Variants in CCDC13 observed in about 807,000 individuals in gnomAD.
The protein encoded by CCDC13 is coiled-coil domain-containing protein 13.
Under a neutral mutation model 87.3 loss-of-function variants are expected in CCDC13, and 70 were observed. That is an observed-to-expected ratio of 0.80 (90% CI 0.66 to 0.98). The LOEUF (loss-of-function observed/expected upper bound fraction) is 0.98, where lower values mean the gene tolerates loss of function less well. CCDC13 is among the 50% of genes least tolerant of loss of function. The pLI is 0.00. For synonymous variants in CCDC13, 317 were observed against 360.3 expected, an observed-to-expected ratio of 0.88 and a Z score of 1.36; for missense variants, 842 against 892.0, an observed-to-expected ratio of 0.94 and a Z score of 0.71.
chr3:42,713,053 T>G (rs889651024), intron 14 of CCDC13, 109 bp downstream of exon 14: 1 of 1,287,218 alleles, frequency 7.8e-7, no homozygotes, highest in Non-Finnish European at 1.1e-6. Context: ...ATGGAAGCTC[T>G]GCTTCCCACA....
At chr3:42,736,390 A>G (rs75552605) in intron 9 of CCDC13, among the ~76,000 whole-genome samples, 2,801 of 152,222 alleles carry the variant, frequency 0.018, 73 homozygotes, top group African/African-American at 0.064. Context: ...AGAAAGGACA[A>G]TGTCAGTGAT....
chr3:42,772,737 C>T (rs1700161283), intron 1 of CCDC13, among the ~76,000 whole-genome samples: 1 of 152,046 alleles, frequency 6.6e-6, no homozygotes, highest in African/African-American at 2.4e-5. Context: ...TCTTGCGAGT[C>T]CCCAGTCCTG....
intron 10 of CCDC13, 125 bp downstream of exon 10, chr3:42,735,582 G>T: frequency 1.0e-6 from 1 of 958,780 alleles, no homozygotes; most frequent in Non-Finnish European, 1.6e-6. Flanking sequence ...AGAAGCAGGT[G>T]GCCAAAGTGG....
chr3:42,752,777 C>G (rs1699618999), intron 3 of CCDC13, 60 bp from the exon 4 acceptor site: 3 of 1,587,742 alleles, frequency 1.9e-6, no homozygotes, highest in Non-Finnish European at 1.7e-6. Context: ...CAAACTCATG[C>G]TCCACCACTA....
chr3:42,736,367 G>A (rs552168069), intron 9 of CCDC13, among the ~76,000 whole-genome samples: 1 of 152,282 alleles, frequency 6.6e-6, no homozygotes, highest in East Asian at 1.9e-4. Flanking sequence ...AAGGCTTCCT[G>A]CCTAGGGCCA....
intron 1 of CCDC13, among the ~76,000 whole-genome samples, chr3:42,761,259 T>A (rs1699826707): frequency 6.6e-6 from 1 of 152,194 alleles, no homozygotes; most frequent in South Asian, 2.1e-4. Context: ...ACCAGGCTCA[T>A]AACCACCTTG....
At chr3:42,760,356 C>T (rs1040397100) in intron 1 of CCDC13, among the ~76,000 whole-genome samples, 2 of 151,798 alleles carry the variant, frequency 1.3e-5, no homozygotes, top group Middle Eastern at 3.4e-3. Context: ...GTGGCTCATG[C>T]CTGTAATCCC....
At chr3:42,746,449 T>C (rs1036263326) in intron 6 of CCDC13, 6 of 172,838 alleles carry the variant, frequency 3.5e-5, no homozygotes, top group African/African-American at 1.4e-4. Flanking sequence ...CAAGTGGACC[T>C]CTGAGTGCAG....
At chr3:42,772,610 G>A (rs926467580) in intron 1 of CCDC13, among the ~76,000 whole-genome samples, 16 of 152,142 alleles carry the variant, frequency 1.1e-4, no homozygotes, top group African/African-American at 3.9e-4. Context: ...GCCGCCCACG[G>A]ATGCCTAGTT....
chr3:42,730,446 T>C, intron 13 of CCDC13, 21 bp downstream of exon 13: 1 of 1,609,844 alleles, frequency 6.2e-7, no homozygotes, highest in Non-Finnish European at 8.5e-7. Context: ...ATGGGAGAGA[T>C]CCCTGGGTGC....
intron 13 of CCDC13, among the ~76,000 whole-genome samples, chr3:42,720,231 G>A (rs181725774): frequency 3.2e-4 from 48 of 152,218 alleles, no homozygotes; most frequent in South Asian, 1.2e-3. Context: ...GTAAATTCTC[G>A]TCCTAAAGTA....
At chr3:42,739,876 G>T in intron 8 of CCDC13, 66 bp from the exon 9 acceptor site, 1 of 1,489,648 alleles carries the variant, frequency 6.7e-7, no homozygotes, top group Non-Finnish European at 9.2e-7. Flanking sequence ...TCTGCTCCCT[G>T]GCTCCTACTC....
intron 1 of CCDC13, among the ~76,000 whole-genome samples, chr3:42,758,886 T>C (rs1253603143): frequency 6.6e-6 from 1 of 152,194 alleles, no homozygotes; most frequent in African/African-American, 2.4e-5. Flanking sequence ...ACAGGGCACT[T>C]ACGGTCCCTG....
Position 42,747,382 on chromosome 3 carries a change from G to A in CCDC13, c.604-9C>T, listed in dbSNP as rs1193110172. 1 of 1,591,664 alleles carries A rather than the reference G, an allele frequency of 6.3e-7. No individual in the cohort carries two copies. The highest frequency in any genetic ancestry group is 8.6e-7 in the Non-Finnish European group (1 of 1,160,200). On this transcript the variant is annotated splice_polypyrimidine_tract_variant and intron_variant, in intron 5 of 15. Coordinates refer to ENST00000310232, the MANE Select transcript of CCDC13 (RefSeq NM_144719.4). ...ACCTCTGGGGTCTCCAGCTGGTTGGGAAGGACAGGAGAGAAAGTAGTCATT... is the reference window on the plus strand; with the variant it reads ...ACCTCTGGGGTCTCCAGCTGGTTGGAAAGGACAGGAGAGAAAGTAGTCATT...
chr3:42,747,144 G>T, intron 6 of CCDC13, 113 bp downstream of exon 6: 1 of 825,604 alleles, frequency 1.2e-6, no homozygotes, highest in Non-Finnish European at 2.1e-6. Flanking sequence ...CAAGCAGTGT[G>T]CTCAAGGGAC....
chr3:42,723,908 A>G (rs997528605), intron 13 of CCDC13, among the ~76,000 whole-genome samples: 2 of 152,214 alleles, frequency 1.3e-5, no homozygotes, highest in African/African-American at 4.8e-5. Flanking sequence ...ACTAAGTAAA[A>G]TAAGTAGCAG....
rs367666585 is a variant in CCDC13 at position 42,709,144 on chromosome 3, A to G, written c.1989-5T>C. On this transcript the variant is annotated splice_polypyrimidine_tract_variant and splice_region_variant and intron_variant, in intron 15 of 15. Transcript: ENST00000310232. The stretch of plus-strand genomic sequence containing the variant: ...TCCTCCACCTGGATGGCCAGCCTGG[A>G]CCACAGGAGACAGTGCTCAGTGTGG... The G allele has an allele frequency of 6.2e-7, 1 of 1,607,782 alleles. No individual in the cohort carries two copies. Among genetic ancestry groups the G allele is most frequent in the Non-Finnish European group, 8.5e-7 (1 of 1,176,724 alleles).
chr3:42,739,565 C>T, intron 9 of CCDC13, 69 bp downstream of exon 9: 2 of 1,529,452 alleles, frequency 1.3e-6, no homozygotes, highest in Non-Finnish European at 8.8e-7. Flanking sequence ...CTCACTCTGG[C>T]CATGGCTGGG....
chr3:42,715,808 C>T (rs1182093610), intron 13 of CCDC13, among the ~76,000 whole-genome samples: 1 of 152,116 alleles, frequency 6.6e-6, no homozygotes, highest in Non-Finnish European at 1.5e-5. Flanking sequence ...TAAAGGATAA[C>T]TTTGTCCCCA....
Sources: gnomAD v4.1 joint callset for allele counts (sites outside exome capture counted in the v4.1 genomes callset) on GRCh38, gnomAD v4.1.1 for gene constraint, MANE v1.5 for transcripts, NCBI Gene and HGNC (gene_info 2026-07-23, HGNC 2026-07-21) for gene names.